Variants in TGFBR1 observed in about 807,000 individuals in gnomAD.
TGFBR1 encodes transforming growth factor beta receptor 1.
TGFBR1 carries 20 observed loss-of-function variants against 55.1 expected under a neutral mutation model. The observed-to-expected ratio is 0.36, with a 90% CI of 0.26 to 0.53. The LOEUF (loss-of-function observed/expected upper bound fraction) is 0.53, where lower values mean the gene tolerates loss of function less well. TGFBR1 is among the 20% of genes least tolerant of loss of function. The pLI, the probability that TGFBR1 is intolerant of heterozygous loss-of-function variation, is 0.91. For missense variants in TGFBR1, 385 were observed against 617.6 expected (o/e 0.62, Z 3.99); for synonymous variants, 220 against 214.8 (o/e 1.02, Z -0.21).
intron 3 of TGFBR1, among the ~76,000 whole-genome samples, chr9:99,134,826 A>T (rs1173971778): frequency 9.2e-6 from 1 of 108,856 alleles, no homozygotes; most frequent in South Asian, 2.9e-4. Flanking sequence ...ATATATATAT[A>T]TATATATATA....
chr9:99,115,137 AAAAT>A (rs1826699509), intron 1 of TGFBR1, among the ~76,000 whole-genome samples: 1 of 152,298 alleles, frequency 6.6e-6, no homozygotes, highest in Non-Finnish European at 1.5e-5. Flanking sequence ...GGGCCATTGA[AAAAT>A]AAAGTGAACA....
chr9:99,142,769 A>G (rs1827658775), intron 5 of TGFBR1, 66 bp downstream of exon 5: 1 of 1,583,224 alleles, frequency 6.3e-7, no homozygotes, highest in Non-Finnish European at 8.7e-7. Flanking sequence ...ATGAAAATAG[A>G]AGGTGGAGGC....
chr9:99,137,866 A>G lies in TGFBR1; in HGVS notation c.582A>G (p.Pro194=), dbSNP rs200679996. ...MTTSGSGSGL[P]LLVQRTIART... ...ATTTATTTTTACCTTTAGGTTTACCATTGCTTGTTCAGAGAACAATTGCGA... is the reference window on the plus strand; with the variant it reads ...ATTTATTTTTACCTTTAGGTTTACCGTTGCTTGTTCAGAGAACAATTGCGA... The change falls in exon 4 of 9, where the codon CCA becomes CCG. Residue 194 remains proline, a synonymous_variant. Coordinates refer to ENST00000374994, the MANE Select transcript of TGFBR1 (RefSeq NM_004612.4). The G allele has an allele frequency of 2.5e-6, 4 of 1,613,610 alleles. No individual in the cohort carries two copies. The highest frequency in any genetic ancestry group is 3.4e-6 in the Non-Finnish European group (4 of 1,179,536).
chr9:99,112,923 T>TTCTC (rs3034200), intron 1 of TGFBR1, among the ~76,000 whole-genome samples: 7 of 150,634 alleles, frequency 4.6e-5, no homozygotes, highest in South Asian at 4.2e-4. Flanking sequence ...TCACCTCATA[T>TTCTC]TCTCTCTCTC....
In TGFBR1 at chr9:99,149,295, T is replaced by TATAAAAAA; in HGVS notation, c.1502_1503insATAAAAAA (p.Lys502Ter). 1 of 1,613,780 alleles carries TATAAAAAA rather than the reference T, an allele frequency of 6.2e-7. No individual in the cohort carries two copies. The highest frequency in any genetic ancestry group is 8.5e-7 in the Non-Finnish European group (1 of 1,179,800). The stretch of plus-strand genomic sequence containing the variant: ...TCGCAACTCAGTCAACAGGAAGGCA[T>TATAAAAAA]CAAAATGTAATTCTACAGCTTTGCC... On this transcript the variant is annotated stop_gained and frameshift_variant, in exon 9 of 9. Transcript: ENST00000374994. LOFTEE classifies it high-confidence loss of function.
At chr9:99,115,868 T>C (rs1826719562) in intron 1 of TGFBR1, among the ~76,000 whole-genome samples, 1 of 152,194 alleles carries the variant, frequency 6.6e-6, no homozygotes, top group Non-Finnish European at 1.5e-5. Context: ...TTATTTTGTC[T>C]CATTTTACAT....
At chr9:99,145,529 C>T (rs1180516737) in intron 6 of TGFBR1, among the ~76,000 whole-genome samples, 1 of 152,198 alleles carries the variant, frequency 6.6e-6, no homozygotes, top group African/African-American at 2.4e-5. Flanking sequence ...CTTGTATTCC[C>T]AGCATCCATC....
In TGFBR1 at chr9:99,152,896, T is replaced by A. The variant is rs1269879059; in HGVS notation, c.*3591T>A. On this transcript the variant is annotated 3_prime_UTR_variant, in exon 9 of 9. Coordinates refer to ENST00000374994, the MANE Select transcript of TGFBR1 (RefSeq NM_004612.4). The stretch of plus-strand genomic sequence containing the variant: ...TGGACTTCTAGGACATTAAGATGAT[T>A]GTCAGTACATTAAACTTTTCAATCC... The A allele has an allele frequency of 4.3e-6, 1 of 231,142 alleles. No homozygotes were observed. Among genetic ancestry groups the A allele is most frequent in the Non-Finnish European group, 8.6e-6 (1 of 116,452 alleles). 14.3% of individuals were successfully genotyped at this position (231,142 alleles called of 1,614,324 possible).
At chr9:99,116,702 CT>C (rs1826753574) in intron 1 of TGFBR1, among the ~76,000 whole-genome samples, 1 of 152,146 alleles carries the variant, frequency 6.6e-6, no homozygotes, top group Non-Finnish European at 1.5e-5. Flanking sequence ...AGCCATGATG[CT>C]ACTGTATCAA....
At chr9:99,135,635 G>A (rs1237258816) in intron 3 of TGFBR1, among the ~76,000 whole-genome samples, 1 of 152,122 alleles carries the variant, frequency 6.6e-6, no homozygotes, top group Non-Finnish European at 1.5e-5. Flanking sequence ...AGTCTTCTAG[G>A]CCAGTGTTTG....
chr9:99,109,708 T>TA (rs1169744835), intron 1 of TGFBR1, among the ~76,000 whole-genome samples: 2 of 152,248 alleles, frequency 1.3e-5, no homozygotes, highest in Admixed American at 6.5e-5. Flanking sequence ...GGTCATGGCT[T>TA]ACGTAACACA....
intron 1 of TGFBR1, among the ~76,000 whole-genome samples, chr9:99,111,670 T>C (rs1826586199): frequency 6.6e-6 from 1 of 152,096 alleles, no homozygotes; most frequent in Admixed American, 6.6e-5. Flanking sequence ...AAACCATTCT[T>C]TAATCATTCT....
chr9:99,139,254 C>T (rs1564163697), intron 4 of TGFBR1, among the ~76,000 whole-genome samples: 1 of 150,704 alleles, frequency 6.6e-6, no homozygotes, highest in Non-Finnish European at 1.5e-5. Flanking sequence ...CTGTAGTCAT[C>T]TTTTTCCTTC....
At chr9:99,112,194 G>A (rs1414189033) in intron 1 of TGFBR1, among the ~76,000 whole-genome samples, 1 of 152,168 alleles carries the variant, frequency 6.6e-6, no homozygotes, top group Non-Finnish European at 1.5e-5. Flanking sequence ...CTACCCAGTT[G>A]GTTTGATGGC....
At chr9:99,136,631 A>G (rs1013474601) in intron 3 of TGFBR1, among the ~76,000 whole-genome samples, 2 of 152,194 alleles carry the variant, frequency 1.3e-5, no homozygotes, top group Admixed American at 1.3e-4. Context: ...ATTTATAGTT[A>G]TACTGCTAAC....
At position 99,146,621 on chromosome 9, in the gene TGFBR1, T is replaced by C. The variant is rs1827805702; in HGVS notation, c.1255+12T>C. On this transcript the variant is annotated intron_variant, in intron 7 of 8. Coordinates refer to ENST00000374994, the MANE Select transcript of TGFBR1 (RefSeq NM_004612.4). ...ATGTTCCATTGGTGGTAAATTGCTC[T>C]CCTCTCCCCCAGTAGTTTGTCATGA... The C allele has an allele frequency of 1.2e-6, 2 of 1,613,910 alleles. No homozygotes were observed. Among genetic ancestry groups the C allele is most frequent in the Non-Finnish European group, 1.7e-6 (2 of 1,179,812 alleles).
chr9:99,130,084 G>A lies in TGFBR1; in HGVS notation c.343+984G>A, dbSNP rs143556570. The stretch of plus-strand genomic sequence containing the variant: ...ATGAGGGCAACCTGTATTAATGCTA[G>A]TGGGATTAATGGTAGAATGCCACCC... On this transcript the variant is annotated intron_variant, in intron 2 of 8. Transcript: ENST00000374994. 1.1e-4 allele frequency among the ~76,000 whole-genome samples: 17 copies of A among 152,328 alleles called. 1 individual carries two copies. The highest frequency in any genetic ancestry group is 3.8e-4 in the African/African-American group (16 of 41,568).
At chr9:99,103,754 G>A (rs768198975), upstream of TGFBR1, among the ~76,000 whole-genome samples, 4 of 152,160 alleles carry the variant, frequency 2.6e-5, no homozygotes, top group Non-Finnish European at 5.9e-5. Flanking sequence ...AAGTGTCCTA[G>A]ACAGGAGGGA....
intron 1 of TGFBR1, among the ~76,000 whole-genome samples, chr9:99,118,154 A>T (rs1826801186): frequency 6.6e-6 from 1 of 151,828 alleles, no homozygotes; most frequent in Non-Finnish European, 1.5e-5. Context: ...TTTTAATTTA[A>T]TTTTTTTTGG....
Sources: gnomAD v4.1 joint callset for allele counts (sites outside exome capture counted in the v4.1 genomes callset) on GRCh38, gnomAD v4.1.1 for gene constraint, MANE v1.5 for transcripts, NCBI Gene and HGNC (gene_info 2026-07-23, HGNC 2026-07-21) for gene names.